The following HCN1 variants were observed in gnomAD, a reference collection of about 807,000 sequenced individuals.
HCN1 encodes hyperpolarization activated cyclic nucleotide gated potassium channel 1.
In HCN1, 13 loss-of-function variants were observed where a neutral mutation model predicts 78.9. The observed-to-expected ratio is 0.16, with a 90% confidence interval of 0.11 to 0.26. The LOEUF (loss-of-function observed/expected upper bound fraction) is 0.26, where lower values mean the gene tolerates loss of function less well. HCN1 is among the 10% of genes least tolerant of loss of function. The probability of loss-of-function intolerance (pLI) is 1.00; values close to 1 mark genes in which losing one functional copy is unlikely to be tolerated. For synonymous variants in HCN1, 552 were observed against 455.5 expected (o/e 1.21, Z -2.70); for missense variants, 810 against 1,154.3 (o/e 0.70, Z 4.32).
intron 4 of HCN1, among the ~76,000 whole-genome samples, chr5:45,372,538 T>C (rs1317721694): frequency 1.6e-5 from 2 of 126,052 alleles, no homozygotes; most frequent in Non-Finnish European, 3.2e-5. Flanking sequence ...ATAAAACATT[T>C]ACATATAAAA....
At chr5:45,348,700 A>G (rs1159020292) in intron 5 of HCN1, among the ~76,000 whole-genome samples, 1 of 152,112 alleles carries the variant, frequency 6.6e-6, no homozygotes, top group Non-Finnish European at 1.5e-5. Flanking sequence ...ATGGAAAACA[A>G]AAAAAAGGCA....
chr5:45,521,437 G>A (rs1742612494), intron 2 of HCN1, among the ~76,000 whole-genome samples: 1 of 151,954 alleles, frequency 6.6e-6, no homozygotes, highest in African/African-American at 2.4e-5. Flanking sequence ...TTCTTGTGAG[G>A]TTTGTGAGGA....
intron 1 of HCN1, among the ~76,000 whole-genome samples, chr5:45,649,008 C>A (rs1178380578): frequency 6.6e-6 from 1 of 151,994 alleles, no homozygotes; most frequent in Non-Finnish European, 1.5e-5. Flanking sequence ...GCCTTTCCAT[C>A]CCCCTCTTTT....
At chr5:45,688,091 C>T (rs1376217113) in intron 1 of HCN1, among the ~76,000 whole-genome samples, 5 of 152,134 alleles carry the variant, frequency 3.3e-5, no homozygotes, top group Non-Finnish European at 7.4e-5. Context: ...CCATTAACTT[C>T]CTATTTTACA....
At chr5:45,669,088 C>A (rs993626883) in intron 1 of HCN1, among the ~76,000 whole-genome samples, 1 of 151,694 alleles carries the variant, frequency 6.6e-6, no homozygotes, top group African/African-American at 2.4e-5. Flanking sequence ...AGAAAGTGAA[C>A]CCAGAAAAGT....
intron 5 of HCN1, among the ~76,000 whole-genome samples, chr5:45,323,694 T>A (rs1391874475): frequency 6.6e-6 from 1 of 151,962 alleles, no homozygotes; most frequent in East Asian, 1.9e-4. Flanking sequence ...TAGGTATATC[T>A]CCTAATGCTA....
At chr5:45,350,037 A>C (rs1282773571) in intron 5 of HCN1, among the ~76,000 whole-genome samples, 1 of 152,212 alleles carries the variant, frequency 6.6e-6, no homozygotes, top group Admixed American at 6.5e-5. Context: ...GGACAGCATC[A>C]TCCTGATACC....
At chr5:45,496,109 G>T (rs933954008) in intron 2 of HCN1, among the ~76,000 whole-genome samples, 6 of 152,084 alleles carry the variant, frequency 3.9e-5, no homozygotes, top group African/African-American at 1.4e-4. Context: ...AATGATGCTG[G>T]CCTCATAAAA....
chr5:45,693,327 T>A (rs1739949986), intron 1 of HCN1, among the ~76,000 whole-genome samples: 1 of 151,702 alleles, frequency 6.6e-6, no homozygotes, highest in African/African-American at 2.4e-5. Context: ...TGCAGTTTGT[T>A]TTAGAACACC....
chr5:45,596,915 AT>A (rs1339822223), intron 2 of HCN1, among the ~76,000 whole-genome samples: 2 of 152,164 alleles, frequency 1.3e-5, no homozygotes, highest in Non-Finnish European at 2.9e-5. Flanking sequence ...GGTGTTTAAT[AT>A]TTCCCTCAAA....
chr5:45,336,946 T>C (rs1216937997), intron 5 of HCN1, among the ~76,000 whole-genome samples: 4 of 152,128 alleles, frequency 2.6e-5, no homozygotes, highest in African/African-American at 9.6e-5. Context: ...AACCTCCTAA[T>C]ATCATCACCT....
intron 4 of HCN1, among the ~76,000 whole-genome samples, chr5:45,373,393 T>TTAC (rs1295137705): frequency 9.4e-6 from 1 of 106,590 alleles, no homozygotes; most frequent in Non-Finnish European, 1.6e-5. Flanking sequence ...TATATGTAAA[T>TTAC]ATATATTATA....
At chr5:45,323,098 T>G (rs1746155272) in intron 5 of HCN1, among the ~76,000 whole-genome samples, 1 of 151,834 alleles carries the variant, frequency 6.6e-6, no homozygotes, top group Non-Finnish European at 1.5e-5. Flanking sequence ...TGAAGACACT[T>G]GGACAGGTGG....
intron 5 of HCN1, among the ~76,000 whole-genome samples, chr5:45,324,281 T>C (rs1425037016): frequency 6.6e-6 from 1 of 151,852 alleles, no homozygotes; most frequent in African/African-American, 2.4e-5. Context: ...ATATCCAGAA[T>C]CTACAATGAA....
At chr5:45,678,132 T>C (rs1739625802) in intron 1 of HCN1, among the ~76,000 whole-genome samples, 1 of 151,880 alleles carries the variant, frequency 6.6e-6, no homozygotes, top group Non-Finnish European at 1.5e-5. Context: ...ATTATTTACA[T>C]AGCTCTACAG....
chr5:45,603,029 C>T (rs1744654622), intron 2 of HCN1, among the ~76,000 whole-genome samples: 1 of 152,046 alleles, frequency 6.6e-6, no homozygotes. Context: ...ATTTTAAAAA[C>T]ATGGTTGAAT....
intron 2 of HCN1, among the ~76,000 whole-genome samples, chr5:45,583,794 A>G (rs1353006569): frequency 6.6e-6 from 1 of 152,186 alleles, no homozygotes; most frequent in Non-Finnish European, 1.5e-5. Flanking sequence ...CCCAGCAGTC[A>G]TTCAGGAACA....
At chr5:45,411,760 G>A (rs1740028381) in intron 3 of HCN1, among the ~76,000 whole-genome samples, 1 of 152,018 alleles carries the variant, frequency 6.6e-6, no homozygotes, top group Non-Finnish European at 1.5e-5. Flanking sequence ...ACCCAGAAAT[G>A]GAGCATCCCT....
In HCN1 at chr5:45,261,927, A is replaced by G. The variant is rs1161379559; in HGVS notation, c.2667T>C (p.Asn889=). 2.5e-6 allele frequency: 4 copies of G among 1,613,998 alleles called. No homozygotes were observed. The part of the protein sequence containing the change: ...PDAEKPRFAS[N]L ...CTTTGACAATCAGCAGGGATCATAA[A>G]TTTGAAGCAAATCGTGGCTTTTCTG... is the stretch of plus-strand genomic sequence containing the variant. The change falls in exon 8 of 8, where the codon AAT becomes AAC. Residue 889 remains asparagine, a synonymous_variant. Coordinates refer to ENST00000303230, the MANE Select transcript of HCN1 (RefSeq NM_021072.4).
Sources: allele counts gnomAD v4.1 joint callset (sites outside exome capture counted in the v4.1 genomes callset), GRCh38; gene constraint gnomAD v4.1.1; transcripts MANE v1.5; gene names NCBI Gene and HGNC (gene_info 2026-07-23, HGNC 2026-07-21).